RDX: variants seen among roughly 807,000 people sequenced by gnomAD.
RDX encodes radixin.
RDX carries 32 observed loss-of-function variants against 83.7 expected under a neutral mutation model. The observed-to-expected ratio is 0.38, with a 90% CI of 0.29 to 0.51. RDX has a LOEUF of 0.51. RDX is among the 20% of genes least tolerant of loss of function. RDX has a pLI of 0.87. For missense variants in RDX, 600 were observed against 689.9 expected (o/e 0.87, Z 1.46); for synonymous variants, 229 against 222.7 (o/e 1.03, Z -0.25).
chr11:110,261,589 T>C (rs545340322), intron 5 of RDX, among the ~76,000 whole-genome samples: 19 of 152,240 alleles, frequency 1.2e-4, no homozygotes, highest in African/African-American at 4.3e-4. Context: ...AGCCAATCAC[T>C]GTGAAAATAT....
At chr11:110,185,254 C>T (rs1431830709) in intron 15 of RDX, 1 of 152,134 alleles carries the variant, frequency 6.6e-6, no homozygotes, top group Non-Finnish European at 1.5e-5. Flanking sequence ...TTTGTTTCTC[C>T]CCAAGGCCGT....
In RDX at chr11:110,254,062, C is replaced by T; in HGVS notation, c.843G>A (p.Leu281=). Residue 281 remains leucine, a synonymous_variant, in exon 9 of 14, where the codon TTG becomes TTA. Coordinates refer to ENST00000645495, the MANE Select transcript of RDX (RefSeq NM_002906.4). ...GTTCATGGTTTCCCATACATAAGGC[C>T]AAAATCCGCTTATTGATTCTCAGAC... ...APRLRINKRI[L]ALCMGNHELY... 1.9e-6 allele frequency: 3 copies of T among 1,613,624 alleles called. No individual in the cohort carries two copies. Among genetic ancestry groups the T allele is most frequent in the Non-Finnish European group, 2.5e-6 (3 of 1,179,786 alleles).
chr11:110,260,645 T>C (rs1435435466), intron 5 of RDX, among the ~76,000 whole-genome samples: 1 of 152,166 alleles, frequency 6.6e-6, no homozygotes, highest in African/African-American at 2.4e-5. Context: ...CTGTGGCCAG[T>C]GTCTCAGTAC....
intron 15 of RDX, among the ~76,000 whole-genome samples, chr11:110,193,388 G>T (rs563868849): frequency 2.6e-5 from 4 of 152,204 alleles, no homozygotes; most frequent in Non-Finnish European, 5.9e-5. Context: ...AGGGTTGGGG[G>T]CAGGGGTTGA....
chr11:110,264,848 C>T lies in RDX; in HGVS notation c.123G>A (p.Glu41=), dbSNP rs528740009. 1.5e-5 allele frequency: 25 copies of T among 1,613,816 alleles called. No homozygotes were observed. In the Admixed American group the frequency reaches 2.7e-4, roughly 17 times the overall value. The change falls in exon 4 of 14, where the codon GAG becomes GAA. Residue 41 remains glutamate (E), a synonymous_variant. Coordinates refer to ENST00000645495, the MANE Select transcript of RDX (RefSeq NM_002906.4). ...CATACTGCAGCCCAAAAAACCAGAC[C>T]TCACGCAAACCAACTGTTTTCACCA... The part of the protein sequence containing the change: ...DQVVKTVGLR[E]VWFFGLQYVD...
chr11:110,241,524 C>T lies in RDX; in HGVS notation c.1091-3872G>A, dbSNP rs532596924. Among the ~76,000 whole-genome samples, 15 of 152,156 alleles carry T rather than the reference C, an allele frequency of 9.9e-5. No individual in the cohort carries two copies. The East Asian group carries it at 1.7e-3, about 18-fold the overall frequency. On this transcript the variant is annotated intron_variant, in intron 10 of 13. Coordinates refer to ENST00000645495, the MANE Select transcript of RDX (RefSeq NM_002906.4). ...GTTTGCCAGGCTGGTCTCGAACTCC[C>T]GACCTCAGGTGATCCACCCGCCTTG...
At chr11:110,198,978 AT>A (rs1863302417) in intron 15 of RDX, among the ~76,000 whole-genome samples, 1 of 151,402 alleles carries the variant, frequency 6.6e-6, no homozygotes, top group Non-Finnish European at 1.5e-5. Context: ...ACCACTCCTA[AT>A]TTTTTTTGTA....
chr11:110,269,785 C>T (rs999252232), intron 3 of RDX, among the ~76,000 whole-genome samples: 1 of 152,140 alleles, frequency 6.6e-6, no homozygotes, highest in African/African-American at 2.4e-5. Flanking sequence ...CGCCTGTAAT[C>T]CTGGCACTTT....
rs963042023 is a variant in RDX at position 110,231,585 on chromosome 11, T to C, written c.*284A>G. Reference sequence around the variant, plus strand: ...CACATTTGTCAGACGTGATAATTAGTGTTAATCTTCAACAGAAAAAAAAAA... The same window carrying C: ...CACATTTGTCAGACGTGATAATTAGCGTTAATCTTCAACAGAAAAAAAAAA... On this transcript the variant is annotated 3_prime_UTR_variant, in exon 14 of 14. Transcript: ENST00000645495. 6 of 439,934 alleles carry C rather than the reference T, an allele frequency of 1.4e-5. No individual in the cohort carries two copies. The Admixed American group carries it at 1.4e-4, about 10-fold the overall frequency. 27.3% of individuals were successfully genotyped at this position (439,934 alleles called of 1,614,324 possible). A position where few individuals can be genotyped will look rare whatever the true frequency, so the allele number is the denominator to read the frequency against.
chr11:110,220,939 A>G (rs1864225250), intron 14 of RDX, among the ~76,000 whole-genome samples: 1 of 151,580 alleles, frequency 6.6e-6, no homozygotes, highest in South Asian at 2.1e-4. Flanking sequence ...CAGGATCCCT[A>G]TACCCCTAAT....
intron 5 of RDX, among the ~76,000 whole-genome samples, chr11:110,258,521 T>A (rs1053639674): frequency 6.6e-5 from 10 of 152,140 alleles, no homozygotes; most frequent in African/African-American, 2.4e-4. Flanking sequence ...TCAGTAATTA[T>A]CTCAAAGTTA....
At chr11:110,182,956 A>G (rs1455624719) in intron 15 of RDX, among the ~76,000 whole-genome samples, 2 of 152,184 alleles carry the variant, frequency 1.3e-5, no homozygotes, top group African/African-American at 2.4e-5. Flanking sequence ...AGGGAGGCTA[A>G]ATGATTTGCC....
At chr11:110,229,177 T>C (rs1591128878), downstream of RDX, among the ~76,000 whole-genome samples, 1 of 152,078 alleles carries the variant, frequency 6.6e-6, no homozygotes, top group Admixed American at 6.5e-5. Flanking sequence ...CTAACCACTA[T>C]ACAATAAAGG....
At chr11:110,234,850 A>G (rs1230135354) in intron 12 of RDX, among the ~76,000 whole-genome samples, 2 of 152,236 alleles carry the variant, frequency 1.3e-5, no homozygotes, top group African/African-American at 4.8e-5. Flanking sequence ...TGTTTTCTGT[A>G]TAAGTACATT....
Position 110,279,784 on chromosome 11 carries a change from T to C in RDX, c.-64-28A>G. On this transcript the variant is annotated intron_variant, in intron 1 of 13. Coordinates refer to ENST00000645495, the MANE Select transcript of RDX (RefSeq NM_002906.4). Reference sequence around the variant, plus strand: ...GTTAAAAAAAAAAAAGCATAATCTATTATCTTTTTATATAAGGTTTCTATT... The same window carrying C: ...GTTAAAAAAAAAAAAGCATAATCTACTATCTTTTTATATAAGGTTTCTATT... 5.3e-6 allele frequency: 4 copies of C among 753,952 alleles called. No individual in the cohort carries two copies. The South Asian group carries it at 6.4e-5, about 12-fold the overall frequency. 46.7% of individuals were successfully genotyped at this position (753,952 alleles called of 1,614,324 possible).
At position 110,246,012 on chromosome 11, in the gene RDX, C is replaced by T. The variant is rs74904282; in HGVS notation, c.1090+1691G>A. On this transcript the variant is annotated intron_variant, in intron 10 of 13. Transcript: ENST00000645495. ...TCAGGCTGGAGTGATCCTCCCACCT[C>T]TCAGCCTCCTGAGTAGCTGATACAA... is the stretch of plus-strand genomic sequence containing the variant. Among the ~76,000 whole-genome samples the T allele has an allele frequency of 1.2e-4, 19 of 152,290 alleles. No individual in the cohort carries two copies. The East Asian group carries it at 3.7e-3, about 29-fold the overall frequency.
intron 14 of RDX, among the ~76,000 whole-genome samples, chr11:110,209,046 C>T (rs967478443): frequency 2.0e-5 from 3 of 152,182 alleles, no homozygotes; most frequent in Non-Finnish European, 4.4e-5. Flanking sequence ...ACGCAGAAGA[C>T]GGGTGATTTC....
intron 15 of RDX, among the ~76,000 whole-genome samples, chr11:110,198,193 T>A (rs1863269284): frequency 6.6e-6 from 1 of 151,974 alleles, no homozygotes; most frequent in Non-Finnish European, 1.5e-5. Context: ...TTGGGAGGCT[T>A]AATCAGCAAG....
intron 11 of RDX, chr11:110,236,626 CTT>C (rs35386587): frequency 2.8e-4 from 43 of 153,290 alleles, no homozygotes; most frequent in South Asian, 7.2e-4. Flanking sequence ...ATCATTCCTC[CTT>C]TTTTTTTTTT....
Sources: gnomAD v4.1 joint callset for allele counts (sites outside exome capture counted in the v4.1 genomes callset) on GRCh38, gnomAD v4.1.1 for gene constraint, MANE v1.5 for transcripts, NCBI Gene and HGNC (gene_info 2026-07-23, HGNC 2026-07-21) for gene names.